Variants in MRTFA observed in about 807,000 individuals in gnomAD.
The protein encoded by MRTFA is myocardin-related transcription factor A.
Under a neutral mutation model 83.5 loss-of-function variants are expected in MRTFA, and 20 were observed. The ratio of observed to expected loss-of-function variants is 0.24; its 90% CI spans 0.17 to 0.35. The LOEUF is 0.35. MRTFA is among the 10% of genes least tolerant of loss of function. MRTFA has a pLI of 1.00. For missense variants in MRTFA, 1,200 were observed against 1,224.7 expected (o/e 0.98, Z 0.30); for synonymous variants, 659 against 541.2 (o/e 1.22, Z -3.02).
intron 3 of MRTFA, among the ~76,000 whole-genome samples, chr22:40,518,318 A>C (rs1044359739): frequency 3.9e-5 from 6 of 152,090 alleles, no homozygotes; most frequent in African/African-American, 1.4e-4. Context: ...CTGAGCCCTT[A>C]ACCTGTGGGG....
chr22:40,580,483 G>A (rs1166433943), intron 2 of MRTFA, among the ~76,000 whole-genome samples: 1 of 152,174 alleles, frequency 6.6e-6, no homozygotes, highest in Non-Finnish European at 1.5e-5. Context: ...ACAGGTGTCA[G>A]CCACTATGCC....
chr22:40,611,094 C>T (rs570872242), intron 1 of MRTFA, among the ~76,000 whole-genome samples: 1 of 151,826 alleles, frequency 6.6e-6, no homozygotes. Context: ...TGTGCCACCA[C>T]GCCCGGCCGA....
rs775539173 is a variant in MRTFA, at chr22:40,431,514, C to T, written c.364-34G>A. On this transcript the variant is annotated intron_variant, in intron 5 of 14. Transcript: ENST00000355630. Reference sequence around the variant, plus strand: ...AAAACACACCAAGAAACTCTCAAATCCAGGTCACAGGCTTATGGCATGGAC... The same window carrying T: ...AAAACACACCAAGAAACTCTCAAATTCAGGTCACAGGCTTATGGCATGGAC... 4.4e-6 allele frequency: 7 copies of T among 1,601,406 alleles called. No homozygotes were observed. In the South Asian group the frequency reaches 6.6e-5, roughly 15 times the overall value.
intron 3 of MRTFA, among the ~76,000 whole-genome samples, chr22:40,550,779 G>A (rs1054698794): frequency 1.1e-4 from 16 of 151,608 alleles, no homozygotes; most frequent in Middle Eastern, 3.5e-3. Context: ...GAAGATTTAC[G>A]CAAAGTACAT....
At chr22:40,429,437 C>A (rs1348315847) in intron 7 of MRTFA, 169 bp downstream of exon 7, 7 of 771,702 alleles carry the variant, frequency 9.1e-6, no homozygotes, top group Non-Finnish European at 1.6e-5. Context: ...CAAGTTCATA[C>A]AACCTGTGCA....
chr22:40,451,975 G>GTTTTTT (rs771103539), intron 4 of MRTFA, among the ~76,000 whole-genome samples: 3 of 80,478 alleles, frequency 3.7e-5, no homozygotes, highest in Non-Finnish European at 4.5e-5. Flanking sequence ...TTTTTTTTTG[G>GTTTTTT]TTTTTTTTTT....
chr22:40,420,158 C>G (rs899471121), intron 11 of MRTFA, among the ~76,000 whole-genome samples: 4 of 152,242 alleles, frequency 2.6e-5, no homozygotes, highest in African/African-American at 7.2e-5. Context: ...CAGATGCTGG[C>G]TGTGCTGCCA....
intron 3 of MRTFA, among the ~76,000 whole-genome samples, chr22:40,488,154 G>A (rs1267954048): frequency 2.0e-5 from 3 of 152,174 alleles, no homozygotes; most frequent in Non-Finnish European, 4.4e-5. Flanking sequence ...AAGGGATTAG[G>A]TAAGCTTCAC....
chr22:40,567,675 A>C (rs747396540), intron 2 of MRTFA, among the ~76,000 whole-genome samples: 1 of 152,236 alleles, frequency 6.6e-6, no homozygotes, highest in Non-Finnish European at 1.5e-5. Flanking sequence ...TCAGGTATGA[A>C]TAATATAAAA....
chr22:40,634,087 T>A (rs1056624611), intron 1 of MRTFA, among the ~76,000 whole-genome samples: 2 of 151,290 alleles, frequency 1.3e-5, no homozygotes, highest in African/African-American at 4.8e-5. Flanking sequence ...TCAGAAGATT[T>A]ATCAGGATTT....
chr22:40,463,339 C>T (rs2053749215), intron 3 of MRTFA, 53 bp from the exon 4 acceptor site: 1 of 1,466,368 alleles, frequency 6.8e-7, no homozygotes, highest in Non-Finnish European at 9.5e-7. Context: ...GGTATTCCAC[C>T]TCAAAAAACA....
intron 3 of MRTFA, chr22:40,533,532 A>G (rs2055118102): frequency 9.3e-7 from 1 of 1,075,846 alleles, no homozygotes; most frequent in Non-Finnish European, 1.2e-6. Flanking sequence ...AGCCTGTGGC[A>G]AATAAGATTT....
chr22:40,508,910 T>G (rs1036419235), intron 3 of MRTFA, among the ~76,000 whole-genome samples: 4 of 151,856 alleles, frequency 2.6e-5, no homozygotes, highest in African/African-American at 9.7e-5. Flanking sequence ...CACGGTAGCT[T>G]TTAACAAGGT....
At chr22:40,601,474 G>C (rs772731677) in intron 1 of MRTFA, among the ~76,000 whole-genome samples, 6 of 152,088 alleles carry the variant, frequency 3.9e-5, no homozygotes, top group Non-Finnish European at 8.8e-5. Context: ...CTCCTAAAGT[G>C]CTGGGATTAC....
chr22:40,590,304 G>A (rs938560394), intron 2 of MRTFA, among the ~76,000 whole-genome samples: 1 of 152,052 alleles, frequency 6.6e-6, no homozygotes, highest in South Asian at 2.1e-4. Context: ...TGGCAGACAG[G>A]AACTCAACCA....
chr22:40,540,121 A>T (rs570762744), intron 3 of MRTFA, among the ~76,000 whole-genome samples: 2 of 151,814 alleles, frequency 1.3e-5, no homozygotes, highest in Non-Finnish European at 2.9e-5. Flanking sequence ...CATGTTGCCC[A>T]GGCTGCTCTT....
intron 4 of MRTFA, among the ~76,000 whole-genome samples, chr22:40,456,327 T>C (rs1160031256): frequency 1.3e-5 from 2 of 151,472 alleles, no homozygotes; most frequent in Admixed American, 6.6e-5. Context: ...AAAAAAAAAA[T>C]ACTATTTTAA....
chr22:40,484,973 G>A (rs985918850), intron 3 of MRTFA, among the ~76,000 whole-genome samples: 1 of 151,922 alleles, frequency 6.6e-6, no homozygotes, highest in African/African-American at 2.4e-5. Context: ...TCAGGAGGCT[G>A]AGGCAGGAGA....
chr22:40,632,821 T>C (rs1252573142), intron 1 of MRTFA, among the ~76,000 whole-genome samples: 1 of 152,074 alleles, frequency 6.6e-6, no homozygotes, highest in Non-Finnish European at 1.5e-5. Context: ...CTGTGAAAAA[T>C]AAGAAATGTT....
Sources: gnomAD v4.1 joint callset for allele counts (sites outside exome capture counted in the v4.1 genomes callset) on GRCh38, gnomAD v4.1.1 for gene constraint, MANE v1.5 for transcripts, NCBI Gene and HGNC (gene_info 2026-07-23, HGNC 2026-07-21) for gene names.